Variants in COL16A1 observed in about 807,000 individuals in gnomAD.
COL16A1 encodes the protein collagen alpha-1(XVI) chain.
In COL16A1, 189 loss-of-function variants were observed where a neutral mutation model predicts 266.3. That is an observed-to-expected ratio of 0.71 (90% CI 0.63 to 0.80). The LOEUF (loss-of-function observed/expected upper bound fraction) is 0.80, where lower values mean the gene tolerates loss of function less well. Ranked by LOEUF, COL16A1 falls within the 30% of genes least tolerant of loss-of-function variation. The probability of loss-of-function intolerance (pLI) is 0.00; values close to 1 mark genes in which losing one functional copy is unlikely to be tolerated. For missense variants in COL16A1, 1,928 were observed against 2,122.4 expected (o/e 0.91, Z 1.80); for synonymous variants, 740 against 782.3 (o/e 0.95, Z 0.90).
In COL16A1 at chr1:31,663,230, G is replaced by T. The variant is rs1044904406; in HGVS notation, c.3556-572C>A. 3 of 155,738 alleles carry T rather than the reference G, an allele frequency of 1.9e-5. No individual in the cohort carries two copies. The highest frequency in any genetic ancestry group is 4.3e-5 in the Non-Finnish European group (3 of 70,058). 9.6% of individuals were successfully genotyped at this position (155,738 alleles called of 1,614,324 possible). A position where few individuals can be genotyped will look rare whatever the true frequency, so the allele number is the denominator to read the frequency against. The stretch of plus-strand genomic sequence containing the variant: ...CCAGGGGCAATACAACAGTCTAAGT[G>T]TTCTGTGTGGAAAGGGGCTCAGGGA... On this transcript the variant is annotated intron_variant, in intron 56 of 70. Coordinates refer to ENST00000373672, the MANE Select transcript of COL16A1 (RefSeq NM_001856.4). The surrounding 1 kb of genome is among the most constrained non-coding windows in gnomAD (Gnocchi z 4.9).
chr1:31,682,291 A>G (rs1643702505), intron 37 of COL16A1, among the ~76,000 whole-genome samples: 1 of 152,226 alleles, frequency 6.6e-6, no homozygotes, highest in Non-Finnish European at 1.5e-5. Context: ...GGTGAATAGT[A>G]CAAAGGGAAG....
Position 31,698,470 on chromosome 1 carries a change from A to T in COL16A1, c.390+13T>A. The T allele has an allele frequency of 6.2e-7, 1 of 1,614,040 alleles. No individual in the cohort carries two copies. Among genetic ancestry groups the T allele is most frequent in the Non-Finnish European group, 8.5e-7 (1 of 1,179,966 alleles). On this transcript the variant is annotated intron_variant, in intron 5 of 70. Coordinates refer to ENST00000373672, the MANE Select transcript of COL16A1 (RefSeq NM_001856.4). This position sits in a 1 kb window ranked among gnomAD's most constrained non-coding sequence, Gnocchi z 4.1. ...ATGCCCTAAGAGGCAATCAGGGCACAGGGGAGGTTCACCTGTGGATACCCA... is the reference window on the plus strand; with the variant it reads ...ATGCCCTAAGAGGCAATCAGGGCACTGGGGAGGTTCACCTGTGGATACCCA...
At chr1:31,679,901 T>C (rs1236458971) in intron 40 of COL16A1, 50 bp from the exon 41 acceptor site, 1 of 1,521,654 alleles carries the variant, frequency 6.6e-7, no homozygotes, top group Non-Finnish European at 8.8e-7. Context: ...ATAGGCAACG[T>C]CTACACCAAG....
At chr1:31,683,085 T>A in intron 36 of COL16A1, 83 bp from the exon 37 acceptor site, 2 of 1,609,092 alleles carry the variant, frequency 1.2e-6, no homozygotes, top group Non-Finnish European at 8.5e-7. Context: ...TCTCAACAGA[T>A]CTTAGGCAGC....
chr1:31,653,670 G>A lies in COL16A1; in HGVS notation c.4541C>T (p.Pro1514Leu), dbSNP rs1292365687. The A allele has an allele frequency of 3.1e-6, 5 of 1,612,752 alleles. No homozygotes were observed. The highest frequency in any genetic ancestry group is 4.2e-6 in the Non-Finnish European group (5 of 1,179,346). The part of the protein sequence containing the change: ...RQGLPGVRGL[P>L]GTKGEKGDIG... ...GTCCCCTTTTTCACCTTTGGTACCA[G>A]GCAATCCTGGAACAAAAGAAATAAA... The change falls in exon 70 of 71, where the codon CCT (proline) becomes CTT (leucine). Residue 1514 changes from proline (P) to leucine (L), a missense_variant. Coordinates refer to ENST00000373672, the MANE Select transcript of COL16A1 (RefSeq NM_001856.4).
Position 31,668,615 on chromosome 1 carries a change from C to T in COL16A1, c.3249+187G>A, listed in dbSNP as rs970321929. On this transcript the variant is annotated intron_variant, in intron 50 of 70. Coordinates refer to ENST00000373672, the MANE Select transcript of COL16A1 (RefSeq NM_001856.4). This position sits in a 1 kb window ranked among gnomAD's most constrained non-coding sequence, Gnocchi z 5.8. ...GCAGGGAGTCAGGGCACATGGAGAT[C>T]GGCCTCCTTTGCTCCTGGGGGAGTG... 6.6e-6 allele frequency among the ~76,000 whole-genome samples: 1 copy of T among 152,058 alleles called. No homozygotes were observed. Among genetic ancestry groups the T allele is most frequent in the Admixed American group, 6.5e-5 (1 of 15,270 alleles).
intron 58 of COL16A1, 82 bp from the exon 59 acceptor site, chr1:31,661,786 C>T (rs1641695440): frequency 7.2e-7 from 1 of 1,391,898 alleles, no homozygotes; most frequent in African/African-American, 1.5e-5. Flanking sequence ...CCCCTCTCTC[C>T]AGCCCTCCCC....
chr1:31,684,219 T>C lies in COL16A1; in HGVS notation c.2173A>G (p.Thr725Ala). Residue 725 changes from threonine to alanine, a missense_variant, in exon 32 of 71, where the codon ACT becomes GCT. This residue lies in a region of COL16A1 where 1,552 missense variants were observed against 1,637.2 expected (regional missense o/e 0.95). Transcript: ENST00000373672. The part of the protein sequence containing the change: ...GPKGEKGDGC[T>A]ACPSLQGTVT... ...GTCCCCTGCAGGCTGGGGCAGGCAG[T>C]GCAGCCATCACCCTGGTCAGAGATG... The C allele has an allele frequency of 1.3e-6, 2 of 1,504,088 alleles. No individual in the cohort carries two copies. The highest frequency in any genetic ancestry group is 1.8e-6 in the Non-Finnish European group (2 of 1,123,740). 93.2% of individuals were successfully genotyped at this position (1,504,088 alleles called of 1,614,324 possible). A position where few individuals can be genotyped will look rare whatever the true frequency, so the allele number is the denominator to read the frequency against.
At chr1:31,678,681 A>T (rs758056237) in intron 42 of COL16A1, among the ~76,000 whole-genome samples, 1 of 152,240 alleles carries the variant, frequency 6.6e-6, no homozygotes, top group Non-Finnish European at 1.5e-5. Context: ...AATATATAAT[A>T]GTCATGGGTA....
intron 52 of COL16A1, chr1:31,666,282 ACCTCCT>A: frequency 1.7e-6 from 1 of 599,712 alleles, no homozygotes; most frequent in Non-Finnish European, 2.9e-6. Flanking sequence ...TCGTCCTGCC[ACCTCCT>A]GGCTCACTGC....
At chr1:31,701,417 TC>T in intron 2 of COL16A1, 2 of 985,264 alleles carry the variant, frequency 2.0e-6, no homozygotes, top group Non-Finnish European at 2.4e-6. Context: ...CACCTCAGCT[TC>T]TTGGTTTTTC....
At chr1:31,682,413 A>G (rs1215895713) in intron 37 of COL16A1, among the ~76,000 whole-genome samples, 1 of 152,198 alleles carries the variant, frequency 6.6e-6, no homozygotes, top group East Asian at 1.9e-4. Context: ...ATTAAATGTC[A>G]CTTAAAATTG....
Position 31,695,749 on chromosome 1 carries a change from T to TG in COL16A1, c.945+11dup. 1 of 1,613,380 alleles carries TG rather than the reference T, an allele frequency of 6.2e-7. No individual in the cohort carries two copies. Among genetic ancestry groups the TG allele is most frequent in the Admixed American group, 1.7e-5 (1 of 60,008 alleles). ...GGCACCTCCCCTGCTGCCAGTCCAC[T>TG]GGGAGGCTTACCTCATCGGCTGCTG... On this transcript the variant is annotated intron_variant, in intron 10 of 70. Transcript: ENST00000373672.
Position 31,685,353 on chromosome 1 carries a change from T to C in COL16A1, c.2016+286A>G, listed in dbSNP as rs1164969529. Among the ~76,000 whole-genome samples, 1 of 152,206 alleles carries C rather than the reference T, an allele frequency of 6.6e-6. No homozygotes were observed. Among genetic ancestry groups the C allele is most frequent in the African/African-American group, 2.4e-5 (1 of 41,440 alleles). ...AAACAGAGGTGGAGAGAAGGTGACT[T>C]GCTCAAGTCAAAGACTTAGTAAGAA... On this transcript the variant is annotated intron_variant, in intron 29 of 70. Coordinates refer to ENST00000373672, the MANE Select transcript of COL16A1 (RefSeq NM_001856.4). This position sits in a 1 kb window ranked among gnomAD's most constrained non-coding sequence, Gnocchi z 4.0.
At position 31,679,799 on chromosome 1, in the gene COL16A1, C is replaced by T. The variant is rs1421040455; in HGVS notation, c.2718+5G>A. Reference sequence around the variant, plus strand: ...CTGGCGGACAAGAGGAGACAAGCGACACACCTGCGGGCCCGGCTGCCAGGA... The same window carrying T: ...CTGGCGGACAAGAGGAGACAAGCGATACACCTGCGGGCCCGGCTGCCAGGA... On this transcript the variant is annotated splice_donor_5th_base_variant and intron_variant, in intron 41 of 70. Transcript: ENST00000373672. 3.2e-6 allele frequency: 5 copies of T among 1,569,424 alleles called. No homozygotes were observed. Among genetic ancestry groups the T allele is most frequent in the Non-Finnish European group, 1.7e-6 (2 of 1,158,764 alleles).
rs371928481 is a variant in COL16A1, at chr1:31,699,813, C to T, written c.266G>A (p.Arg89Gln). 7.4e-5 allele frequency: 117 copies of T among 1,586,714 alleles called. No individual in the cohort carries two copies. Among genetic ancestry groups the T allele is most frequent in the Non-Finnish European group, 9.6e-5 (111 of 1,156,336 alleles). ...LGAAPVTQPT[R>Q]RVFPRGLPEE... ...TCAGTGGTCACATGGATGCATTTACCGCGTGGGCTGGGTCACGGGGGCCGC... is the reference window on the plus strand; with the variant it reads ...TCAGTGGTCACATGGATGCATTTACTGCGTGGGCTGGGTCACGGGGGCCGC... The change falls in exon 4 of 71, where the codon CGA becomes CAA. Residue 89 changes from arginine (R) to glutamine (Q), a missense_variant and splice_region_variant. This residue lies in a region of COL16A1 where 1,552 missense variants were observed against 1,637.2 expected (regional missense o/e 0.95). Transcript: ENST00000373672.
chr1:31,689,518 G>T, intron 23 of COL16A1: 1 of 589,710 alleles, frequency 1.7e-6, no homozygotes, highest in Non-Finnish European at 3.0e-6. Flanking sequence ...CTCCTGGAAA[G>T]CCCTGGGAGG....
intron 2 of COL16A1, chr1:31,701,319 G>A: frequency 2.0e-6 from 2 of 985,374 alleles, no homozygotes; most frequent in Non-Finnish European, 2.4e-6. Context: ...GGAGAGGAGA[G>A]CAAAGCTCAC....
At chr1:31,654,144 C>T in intron 68 of COL16A1, 101 bp from the exon 69 acceptor site, 3 of 1,488,918 alleles carry the variant, frequency 2.0e-6, no homozygotes, top group Non-Finnish European at 2.7e-6. Flanking sequence ...AAGTCCACAG[C>T]AGCCTTCCTT....
Sources: gnomAD v4.1 joint callset for allele counts (sites outside exome capture counted in the v4.1 genomes callset) on GRCh38, gnomAD v4.1.1 for gene constraint, gnomAD v4.1.1 regional missense constraint, Gnocchi (gnomAD v3.1) non-coding constraint, MANE v1.5 for transcripts, NCBI Gene and HGNC (gene_info 2026-07-23, HGNC 2026-07-21) for gene names.